MAML2: variants seen among roughly 807,000 people sequenced by gnomAD.
MAML2 encodes the protein mastermind-like protein 2.
A neutral mutation model predicts 96.1 loss-of-function variants in MAML2; 22 were observed. The observed-to-expected ratio is 0.23, with a 90% CI of 0.16 to 0.33. The LOEUF (loss-of-function observed/expected upper bound fraction) is 0.33. MAML2 is among the 10% of genes least tolerant of loss of function. The pLI is 1.00. For synonymous variants in MAML2, 561 were observed against 521.3 expected, an observed-to-expected ratio of 1.08 and a Z score of -1.04; for missense variants, 1,367 against 1,392.4, an observed-to-expected ratio of 0.98 and a Z score of 0.29.
At chr11:96,010,111 C>T (rs1205675387) in intron 2 of MAML2, among the ~76,000 whole-genome samples, 1 of 152,176 alleles carries the variant, frequency 6.6e-6, no homozygotes, top group Non-Finnish European at 1.5e-5. Context: ...TATAAACCTT[C>T]TGCTTTCTAT....
intron 1 of MAML2, among the ~76,000 whole-genome samples, chr11:96,256,395 T>A (rs1412429736): frequency 6.6e-6 from 1 of 152,180 alleles, no homozygotes. Context: ...TCGAAGTTCC[T>A]CAAACGACCA....
intron 1 of MAML2, among the ~76,000 whole-genome samples, chr11:96,205,513 T>C (rs975370707): frequency 6.6e-6 from 1 of 152,240 alleles, no homozygotes; most frequent in East Asian, 1.9e-4. Flanking sequence ...TTTTACTGTT[T>C]TTTAGGCAGA....
chr11:96,255,658 C>G (rs1433004517), intron 1 of MAML2, among the ~76,000 whole-genome samples: 1 of 152,070 alleles, frequency 6.6e-6, no homozygotes, highest in Non-Finnish European at 1.5e-5. Context: ...CACATCGTCC[C>G]CCTTCTTCCT....
At chr11:96,037,797 G>A (rs1858742491) in intron 2 of MAML2, among the ~76,000 whole-genome samples, 1 of 152,138 alleles carries the variant, frequency 6.6e-6, no homozygotes, top group South Asian at 2.1e-4. Context: ...CTTTGTTTCT[G>A]TTTCCTTGAC....
chr11:96,200,412 T>A (rs572244083), intron 1 of MAML2, among the ~76,000 whole-genome samples: 2 of 152,318 alleles, frequency 1.3e-5, no homozygotes, highest in African/African-American at 4.8e-5. Context: ...TCTAACAAGC[T>A]ATTAGTGAGA....
chr11:96,095,272 G>A (rs1008224450), intron 1 of MAML2, among the ~76,000 whole-genome samples: 2 of 152,132 alleles, frequency 1.3e-5, no homozygotes, highest in South Asian at 4.1e-4. Flanking sequence ...GAATGGCCAG[G>A]ATGCAGTATA....
intron 1 of MAML2, among the ~76,000 whole-genome samples, chr11:96,151,266 C>T (rs1213695363): frequency 6.6e-6 from 1 of 152,192 alleles, no homozygotes; most frequent in African/African-American, 2.4e-5. Context: ...ATCCATAGGG[C>T]TGAGCTAAAA....
At chr11:96,274,148 T>C (rs1292713154) in intron 1 of MAML2, among the ~76,000 whole-genome samples, 1 of 143,366 alleles carries the variant, frequency 7.0e-6, no homozygotes, top group Non-Finnish European at 1.5e-5. Context: ...AGCGGCGCCA[T>C]CTTGGCTCAC....
At chr11:96,119,065 C>T (rs891621767) in intron 1 of MAML2, among the ~76,000 whole-genome samples, 1 of 152,156 alleles carries the variant, frequency 6.6e-6, no homozygotes, top group Non-Finnish European at 1.5e-5. Context: ...ATTTGATTCT[C>T]ATAATAGCCC....
chr11:96,172,373 A>G (rs1424442734), intron 1 of MAML2, among the ~76,000 whole-genome samples: 1 of 152,246 alleles, frequency 6.6e-6, no homozygotes, highest in Non-Finnish European at 1.5e-5. Flanking sequence ...GGTGGTGTTC[A>G]GAGAGTCTCC....
chr11:95,991,495 A>G, intron 3 of MAML2, 25 bp downstream of exon 3: 2 of 1,609,086 alleles, frequency 1.2e-6, no homozygotes, highest in Non-Finnish European at 1.7e-6. Flanking sequence ...AGGTTTGTTC[A>G]GTAGAAATTA....
chr11:96,050,772 A>G (rs534623770), intron 2 of MAML2, among the ~76,000 whole-genome samples: 2 of 152,196 alleles, frequency 1.3e-5, no homozygotes, highest in Non-Finnish European at 2.9e-5. Flanking sequence ...AACTATGTCT[A>G]TGGAGTTGTT....
intron 1 of MAML2, among the ~76,000 whole-genome samples, chr11:96,159,747 A>G (rs552603728): frequency 7.2e-5 from 11 of 152,156 alleles, no homozygotes; most frequent in South Asian, 6.2e-4. Context: ...CTTAAACTTC[A>G]CGGAGAATCT....
At chr11:96,044,790 T>C (rs1044185870) in intron 2 of MAML2, among the ~76,000 whole-genome samples, 1 of 152,226 alleles carries the variant, frequency 6.6e-6, no homozygotes, top group African/African-American at 2.4e-5. Flanking sequence ...TATTTGGAAA[T>C]GAAAGTTGTT....
rs562499137 is a variant in MAML2 at position 96,177,028 on chromosome 11, G to T, written c.514-83511C>A. Among the ~76,000 whole-genome samples, 4 of 152,266 alleles carry T rather than the reference G, an allele frequency of 2.6e-5. No homozygotes were observed. In the South Asian group the frequency reaches 8.3e-4, roughly 32 times the overall value. On this transcript the variant is annotated intron_variant, in intron 1 of 4. Coordinates refer to ENST00000524717, the MANE Select transcript of MAML2 (RefSeq NM_032427.4). ...AATAAGGAATAAATATACCATTCAT[G>T]GTCCTTTTTCAGGTCACCATGCCTG...
intron 3 of MAML2, among the ~76,000 whole-genome samples, chr11:95,986,565 G>A (rs558052359): frequency 1.3e-5 from 2 of 152,092 alleles, no homozygotes; most frequent in Admixed American, 6.6e-5. Flanking sequence ...TAACCAACAG[G>A]TACCGATATA....
At chr11:96,292,691 T>A (rs1250777213) in intron 1 of MAML2, among the ~76,000 whole-genome samples, 1 of 152,248 alleles carries the variant, frequency 6.6e-6, no homozygotes, top group Non-Finnish European at 1.5e-5. Context: ...ACTGTAAGAC[T>A]AGCTTATTCT....
chr11:96,046,945 T>C (rs898475175), intron 2 of MAML2, among the ~76,000 whole-genome samples: 5 of 152,174 alleles, frequency 3.3e-5, no homozygotes, highest in African/African-American at 1.2e-4. Flanking sequence ...CAACAATAAG[T>C]TTGTTAGAAT....
intron 2 of MAML2, among the ~76,000 whole-genome samples, chr11:96,073,630 A>C (rs1590995383): frequency 6.6e-6 from 1 of 152,136 alleles, no homozygotes; most frequent in African/African-American, 2.4e-5. Flanking sequence ...ATGGCAGCTG[A>C]AGACAATGAC....
Sources: gnomAD v4.1 joint callset for allele counts (sites outside exome capture counted in the v4.1 genomes callset) on GRCh38, gnomAD v4.1.1 for gene constraint, MANE v1.5 for transcripts, NCBI Gene and HGNC (gene_info 2026-07-23, HGNC 2026-07-21) for gene names.